The following PRKG1 variants were observed in gnomAD, a reference collection of about 807,000 sequenced individuals.
The protein encoded by PRKG1 is cGMP-dependent protein kinase 1.
In PRKG1, 35 loss-of-function variants were observed where a neutral mutation model predicts 88.1. That is an observed-to-expected ratio of 0.40 (90% confidence interval 0.30 to 0.53). The LOEUF is 0.53. PRKG1 is among the 20% of genes least tolerant of loss of function. PRKG1 has a pLI of 0.59. For missense variants in PRKG1, 540 were observed against 839.8 expected, an observed-to-expected ratio of 0.64 and a Z score of 4.41; for synonymous variants, 303 against 292.5, an observed-to-expected ratio of 1.04 and a Z score of -0.37.
At chr10:51,735,846 C>T (rs1446762971) in intron 3 of PRKG1, among the ~76,000 whole-genome samples, 2 of 118,396 alleles carry the variant, frequency 1.7e-5, no homozygotes, top group Admixed American at 9.7e-5. Flanking sequence ...GGGCAGGGGG[C>T]CTGACTGCAT....
intron 3 of PRKG1, among the ~76,000 whole-genome samples, chr10:51,766,946 A>C (rs988486706): frequency 6.6e-6 from 1 of 152,130 alleles, no homozygotes; most frequent in Non-Finnish European, 1.5e-5. Context: ...AACACAACAG[A>C]AGCCAACTCC....
At chr10:51,228,612 C>A (rs12252541) in intron 2 of PRKG1, among the ~76,000 whole-genome samples, 2,533 of 152,120 alleles carry the variant, frequency 0.017, 66 homozygotes, top group African/African-American at 0.058. Flanking sequence ...GAGGGGAGAC[C>A]AAGAGAGCAC....
chr10:52,090,038 C>T (rs568775686), intron 7 of PRKG1, among the ~76,000 whole-genome samples: 3 of 151,992 alleles, frequency 2.0e-5, no homozygotes, highest in African/African-American at 7.2e-5. Context: ...TGGTCTCGAT[C>T]TCTTGACCTC....
intron 9 of PRKG1, among the ~76,000 whole-genome samples, chr10:52,209,678 C>G (rs1839912916): frequency 6.6e-6 from 1 of 152,140 alleles, no homozygotes; most frequent in Non-Finnish European, 1.5e-5. Flanking sequence ...TGATTTTCCT[C>G]AAACCTGCTT....
chr10:52,061,626 A>G (rs916943886), intron 6 of PRKG1, among the ~76,000 whole-genome samples: 75 of 152,266 alleles, frequency 4.9e-4, no homozygotes, highest in African/African-American at 1.7e-3. Context: ...GTAATGACAC[A>G]TTCTGTTAAA....
chr10:52,199,411 G>A (rs1165191082), intron 9 of PRKG1, among the ~76,000 whole-genome samples: 2 of 152,054 alleles, frequency 1.3e-5, no homozygotes, highest in African/African-American at 4.8e-5. Context: ...ATTCTAACCA[G>A]ACCTCCTAAA....
Position 52,282,147 on chromosome 10 carries a change from T to G in PRKG1, c.1546-6T>G. The G allele has an allele frequency of 1.3e-6, 2 of 1,590,708 alleles. No homozygotes were observed. The highest frequency in any genetic ancestry group is 2.3e-5 in the South Asian group (2 of 87,342). ...CTTAAGTATCTTGTTTTTCTCTCTT[T>G]GTAAGGTTGATTTTGGCTTTGCAAA... On this transcript the variant is annotated splice_polypyrimidine_tract_variant and splice_region_variant and intron_variant, in intron 13 of 17. Coordinates refer to ENST00000373980, the MANE Select transcript of PRKG1 (RefSeq NM_006258.4).
At chr10:51,408,251 T>C (rs1837980299) in intron 2 of PRKG1, among the ~76,000 whole-genome samples, 1 of 152,226 alleles carries the variant, frequency 6.6e-6, no homozygotes, top group Admixed American at 6.5e-5. Context: ...GGTATTGTAA[T>C]TGTGACTACC....
chr10:51,928,544 G>T (rs1564712555), intron 5 of PRKG1, among the ~76,000 whole-genome samples: 1 of 152,168 alleles, frequency 6.6e-6, no homozygotes, highest in Non-Finnish European at 1.5e-5. Flanking sequence ...TAGACTTTTA[G>T]TGTGCTGATA....
chr10:51,539,356 AC>A (rs1842241828), intron 3 of PRKG1, among the ~76,000 whole-genome samples: 2 of 152,166 alleles, frequency 1.3e-5, no homozygotes, highest in African/African-American at 4.8e-5. Flanking sequence ...TAACATGCTC[AC>A]CATCTTAACA....
chr10:52,050,724 A>T (rs1300185791), intron 5 of PRKG1, among the ~76,000 whole-genome samples: 1 of 152,208 alleles, frequency 6.6e-6, no homozygotes, highest in Admixed American at 6.5e-5. Flanking sequence ...AGGTAAACAG[A>T]TATTTATATG....
intron 2 of PRKG1, among the ~76,000 whole-genome samples, chr10:51,230,432 A>G (rs567450568): frequency 1.3e-5 from 2 of 152,348 alleles, no homozygotes; most frequent in South Asian, 4.1e-4. Flanking sequence ...ATTTTTACCA[A>G]AAAGATGTAG....
In PRKG1 at chr10:51,714,048, C is replaced by T. The variant is rs1214615796; in HGVS notation, c.593-90537C>T. 2.6e-5 allele frequency among the ~76,000 whole-genome samples: 4 copies of T among 152,088 alleles called. No homozygotes were observed. In the East Asian group the frequency reaches 7.7e-4, roughly 29 times the overall value. ...AGACTGGAGTGCAGTGGCATGATCTCGGCTCACCGCAAGCTCCGCCTCCCA... is the reference window on the plus strand; with the variant it reads ...AGACTGGAGTGCAGTGGCATGATCTTGGCTCACCGCAAGCTCCGCCTCCCA... On this transcript the variant is annotated intron_variant, in intron 3 of 17. Coordinates refer to ENST00000373980, the MANE Select transcript of PRKG1 (RefSeq NM_006258.4).
intron 4 of PRKG1, among the ~76,000 whole-genome samples, chr10:51,884,654 T>G (rs1286904440): frequency 6.6e-6 from 1 of 152,094 alleles, no homozygotes; most frequent in Non-Finnish European, 1.5e-5. Flanking sequence ...ATGCGTACAC[T>G]GAAATGTCCA....
intron 4 of PRKG1, among the ~76,000 whole-genome samples, chr10:51,811,938 A>T (rs1839467689): frequency 6.6e-6 from 1 of 152,214 alleles, no homozygotes; most frequent in Non-Finnish European, 1.5e-5. Flanking sequence ...TATCTAGGAC[A>T]TAAGATGAAA....
intron 2 of PRKG1, among the ~76,000 whole-genome samples, chr10:51,282,138 T>C (rs192919541): frequency 8.5e-4 from 129 of 151,828 alleles, no homozygotes; most frequent in Middle Eastern, 3.4e-3. Context: ...TGCTTTGACG[T>C]TGGAGGACAA....
intron 4 of PRKG1, among the ~76,000 whole-genome samples, chr10:51,807,987 G>A (rs1240520200): frequency 6.6e-6 from 1 of 152,054 alleles, no homozygotes; most frequent in Non-Finnish European, 1.5e-5. Context: ...CCAGAAGAGT[G>A]AATAATATTA....
intron 3 of PRKG1, among the ~76,000 whole-genome samples, chr10:51,634,681 C>T (rs1839610938): frequency 6.6e-6 from 1 of 151,996 alleles, no homozygotes; most frequent in East Asian, 1.9e-4. Context: ...CTTGTGATTT[C>T]CATATGAAGC....
chr10:51,343,180 C>T (rs1237527867), intron 2 of PRKG1, among the ~76,000 whole-genome samples: 1 of 152,204 alleles, frequency 6.6e-6, no homozygotes, highest in Non-Finnish European at 1.5e-5. Context: ...AGTAACTCAA[C>T]TCATGTTGTC....
Sources: gnomAD v4.1 joint callset for allele counts (sites outside exome capture counted in the v4.1 genomes callset) on GRCh38, gnomAD v4.1.1 for gene constraint, MANE v1.5 for transcripts, NCBI Gene and HGNC (gene_info 2026-07-23, HGNC 2026-07-21) for gene names.